The following ARMC2 variants were observed in gnomAD, a reference collection of about 807,000 sequenced individuals.
The protein encoded by ARMC2 is armadillo repeat-containing protein 2.
A neutral mutation model predicts 90.3 loss-of-function variants in ARMC2; 67 were observed. That is an observed-to-expected ratio of 0.74 (90% CI 0.61 to 0.91). The LOEUF is 0.91. Among genes scored for constraint, ARMC2 ranks in the 40% least tolerant of loss-of-function variants. ARMC2 has a pLI of 0.00. For synonymous variants in ARMC2, 393 were observed against 393.0 expected, an observed-to-expected ratio of 1.00 and a Z score of 0.00; for missense variants, 920 against 1,030.9, an observed-to-expected ratio of 0.89 and a Z score of 1.47.
intron 3 of ARMC2, among the ~76,000 whole-genome samples, chr6:108,858,625 T>C (rs1774903632): frequency 6.6e-6 from 1 of 150,492 alleles, no homozygotes; most frequent in South Asian, 2.1e-4. Context: ...ATTAAAGTTA[T>C]ATATCTTATA....
the ARMC2 span, among the ~76,000 whole-genome samples, chr6:109,033,116 G>T: frequency 2.6e-5 from 4 of 152,188 alleles, no homozygotes; most frequent in South Asian, 8.3e-4. Context: ...TTGCAAGCAG[G>T]GAGATGAGGT....
At chr6:109,035,705 A>T in the ARMC2 span, among the ~76,000 whole-genome samples, 1 of 152,090 alleles carries the variant, frequency 6.6e-6, no homozygotes, top group African/African-American at 2.4e-5. Context: ...GGCTTAAGTG[A>T]TCCTCCCACC....
the ARMC2 span, among the ~76,000 whole-genome samples, chr6:109,047,704 G>A: frequency 1.3e-4 from 19 of 146,110 alleles, no homozygotes; most frequent in Non-Finnish European, 2.5e-4. Context: ...CCGTGTCTGT[G>A]TAGAAAGAAG....
intron 5 of ARMC2, chr6:108,879,916 A>T (rs939888977): frequency 8.5e-6 from 4 of 470,264 alleles, no homozygotes; most frequent in African/African-American, 4.0e-5. Flanking sequence ...TTTTACTCCC[A>T]TCTCCTTCTA....
the ARMC2 span, among the ~76,000 whole-genome samples, chr6:109,044,290 T>C: frequency 9.6e-6 from 1 of 104,280 alleles, no homozygotes; most frequent in African/African-American, 3.9e-5. Flanking sequence ...CCAGCCTAGA[T>C]GACACAGTGA....
chr6:108,906,412 T>C (rs1294940600), intron 8 of ARMC2, among the ~76,000 whole-genome samples: 2 of 152,152 alleles, frequency 1.3e-5, no homozygotes, highest in Non-Finnish European at 2.9e-5. Context: ...TTAAATAGAA[T>C]AAACTACTGT....
intron 17 of ARMC2, among the ~76,000 whole-genome samples, chr6:108,965,587 A>G (rs1255850446): frequency 2.6e-5 from 4 of 152,142 alleles, no homozygotes; most frequent in African/African-American, 4.8e-5. Flanking sequence ...TGGCATTACA[A>G]TGGAGTTTAT....
intron 4 of ARMC2, among the ~76,000 whole-genome samples, chr6:108,871,226 G>A (rs1776379819): frequency 6.6e-6 from 1 of 152,056 alleles, no homozygotes; most frequent in South Asian, 2.1e-4. Context: ...AACTGCCCAG[G>A]GCCTCAGAAT....
At chr6:108,986,216 G>GAA in the ARMC2 span, among the ~76,000 whole-genome samples, 1 of 152,128 alleles carries the variant, frequency 6.6e-6, no homozygotes, top group Non-Finnish European at 1.5e-5. Context: ...TAAAACAGTT[G>GAA]AAAAGAGAGC....
chr6:109,045,514 T>G, the ARMC2 span, among the ~76,000 whole-genome samples: 1 of 152,232 alleles, frequency 6.6e-6, no homozygotes, highest in African/African-American at 2.4e-5. Flanking sequence ...TGAGTTCAAC[T>G]TACTTACAGT....
chr6:108,931,298 C>A (rs1392771526), intron 11 of ARMC2, among the ~76,000 whole-genome samples: 4 of 151,820 alleles, frequency 2.6e-5, no homozygotes, highest in Non-Finnish European at 1.5e-5. Context: ...GTATAGGTAC[C>A]ACATTTTCTT....
chr6:109,002,010 A>G, the ARMC2 span, among the ~76,000 whole-genome samples: 18 of 150,010 alleles, frequency 1.2e-4, no homozygotes, highest in African/African-American at 4.4e-4. Flanking sequence ...ATCTAAATAT[A>G]AGCAGATGTT....
intron 17 of ARMC2, among the ~76,000 whole-genome samples, chr6:108,968,477 C>T (rs1778530488): frequency 6.6e-6 from 1 of 152,218 alleles, no homozygotes; most frequent in African/African-American, 2.4e-5. Flanking sequence ...AGGTTTCTCA[C>T]GTGAGCTCCT....
intron 7 of ARMC2, among the ~76,000 whole-genome samples, chr6:108,902,684 C>T (rs1274706319): frequency 6.6e-6 from 1 of 152,128 alleles, no homozygotes; most frequent in African/African-American, 2.4e-5. Context: ...TGGCCTGAGT[C>T]ACTTCCTTCT....
chr6:109,020,638 GAGA>G, the ARMC2 span, among the ~76,000 whole-genome samples: 13,989 of 152,064 alleles, frequency 0.092, 851 homozygotes, highest in Middle Eastern at 0.19. Context: ...TCTCCTTGGA[GAGA>G]AGAAGGTTTT....
At chr6:108,870,369 C>T (rs1440356475) in intron 4 of ARMC2, among the ~76,000 whole-genome samples, 1 of 152,128 alleles carries the variant, frequency 6.6e-6, no homozygotes, top group Non-Finnish European at 1.5e-5. Flanking sequence ...ATGATCGGAG[C>T]TGAGTGGTAC....
chr6:108,860,661 C>CAA (rs61194526), intron 3 of ARMC2, among the ~76,000 whole-genome samples: 48 of 59,916 alleles, frequency 8.0e-4, no homozygotes, highest in South Asian at 1.2e-3. Context: ...GACTCCATCT[C>CAA]AAAAAAAAAA....
chr6:108,878,956 C>G (rs1301787223), intron 5 of ARMC2, among the ~76,000 whole-genome samples: 1 of 151,424 alleles, frequency 6.6e-6, no homozygotes, highest in Non-Finnish European at 1.5e-5. Context: ...CACCCAGACA[C>G]CCATTCATCC....
intron 6 of ARMC2, among the ~76,000 whole-genome samples, chr6:108,899,434 T>G (rs1771909127): frequency 6.6e-6 from 1 of 152,226 alleles, no homozygotes; most frequent in Non-Finnish European, 1.5e-5. Flanking sequence ...CATCAGTATT[T>G]ACAAAGCTTA....
Sources: gnomAD v4.1 joint callset for allele counts (sites outside exome capture counted in the v4.1 genomes callset) on GRCh38, gnomAD v4.1.1 for gene constraint, MANE v1.5 for transcripts, NCBI Gene and HGNC (gene_info 2026-07-23, HGNC 2026-07-21) for gene names.